BRF1: variants seen among roughly 807,000 people sequenced by gnomAD.
The protein encoded by BRF1 is BRF1 general transcription factor IIIB subunit.
BRF1 carries 59 observed loss-of-function variants against 81.7 expected under a neutral mutation model. That is an observed-to-expected ratio of 0.72 (90% CI 0.59 to 0.90). BRF1 has a LOEUF of 0.90. Ranked by LOEUF, BRF1 falls within the 40% of genes least tolerant of loss-of-function variation. The pLI is 0.00. For missense variants in BRF1, 1,050 were observed against 936.3 expected (o/e 1.12, Z -1.58); for synonymous variants, 491 against 395.6 (o/e 1.24, Z -2.86).
At chr14:105,299,394 C>A (rs146447556) in intron 1 of BRF1, among the ~76,000 whole-genome samples, 1,959 of 151,970 alleles carry the variant, frequency 0.013, 21 homozygotes, top group Non-Finnish European at 0.019. Flanking sequence ...AACATAGAGA[C>A]CTTGTCTCTA....
At chr14:105,252,684 G>A (rs2055677329) in intron 4 of BRF1, 105 bp from the exon 5 acceptor site, 1 of 1,231,454 alleles carries the variant, frequency 8.1e-7, no homozygotes, top group Non-Finnish European at 1.1e-6. Flanking sequence ...AGACTCCGAT[G>A]GCCCGTGGAG....
intron 1 of BRF1, among the ~76,000 whole-genome samples, chr14:105,294,211 C>T (rs985313204): frequency 6.6e-6 from 1 of 152,232 alleles, no homozygotes; most frequent in African/African-American, 2.4e-5. Flanking sequence ...GCTAAGAACC[C>T]GCCGCCTCGC....
At chr14:105,224,026 T>C (rs1045611750) in intron 10 of BRF1, among the ~76,000 whole-genome samples, 1 of 152,208 alleles carries the variant, frequency 6.6e-6, no homozygotes, top group Non-Finnish European at 1.5e-5. Context: ...CCAATGAGAA[T>C]TCCCAACAGA....
chr14:105,246,355 T>C (rs918279944), intron 5 of BRF1, among the ~76,000 whole-genome samples: 1 of 152,150 alleles, frequency 6.6e-6, no homozygotes, highest in East Asian at 2.0e-4. Flanking sequence ...CACTACCTCA[T>C]GTCCATTAGG....
chr14:105,229,352 A>C (rs185501069), intron 6 of BRF1, among the ~76,000 whole-genome samples: 1 of 152,208 alleles, frequency 6.6e-6, no homozygotes, highest in Non-Finnish European at 1.5e-5. Flanking sequence ...CAGTGCAAAC[A>C]TGGAGATCAT....
chr14:105,286,597 C>T (rs2057324097), intron 1 of BRF1, among the ~76,000 whole-genome samples: 1 of 152,130 alleles, frequency 6.6e-6, no homozygotes, highest in African/African-American at 2.4e-5. Flanking sequence ...GGGCCAACTG[C>T]ACTTTCCGCA....
intron 1 of BRF1, among the ~76,000 whole-genome samples, chr14:105,312,024 C>T (rs887257103): frequency 6.6e-6 from 1 of 152,238 alleles, no homozygotes; most frequent in Non-Finnish European, 1.5e-5. Flanking sequence ...GGGCTGGAGC[C>T]GCCAACTGAC....
upstream of BRF1, among the ~76,000 whole-genome samples, chr14:105,305,697 T>C (rs1025821826): frequency 3.9e-5 from 6 of 152,220 alleles, no homozygotes; most frequent in African/African-American, 1.4e-4. Flanking sequence ...AGAACTGCCC[T>C]GGGGACCGGT....
intron 3 of BRF1, among the ~76,000 whole-genome samples, chr14:105,262,322 T>C (rs1016927883): frequency 5.9e-5 from 9 of 152,252 alleles, no homozygotes; most frequent in African/African-American, 2.2e-4. Flanking sequence ...CCTGGAGGTG[T>C]GGCACAGAGC....
chr14:105,265,446 A>C (rs2056367045), intron 3 of BRF1, among the ~76,000 whole-genome samples: 1 of 152,170 alleles, frequency 6.6e-6, no homozygotes, highest in Non-Finnish European at 1.5e-5. Flanking sequence ...CAAACACAAA[A>C]ATATTTCTTA....
chr14:105,241,357 T>G lies in BRF1; in HGVS notation c.602A>C (p.His201Pro). 3.7e-6 allele frequency: 6 copies of G among 1,612,784 alleles called. No homozygotes were observed. Among genetic ancestry groups the G allele is most frequent in the Non-Finnish European group, 4.2e-6 (5 of 1,179,924 alleles). ...CCTCAGGGCAGTCATGGACACCTCG[T>G]GGTTCTTCTCCCCGAATTCCAGCAG... ...AHLLEFGEKN[H>P]EVSMTALRLL... is the part of the protein sequence containing the mutation. The change falls in exon 6 of 18, where the codon CAC becomes CCC. Residue 201 changes from histidine (H) to proline (P), a missense_variant. By Grantham distance (77) the His-to-Pro change is moderately conservative (BLOSUM62 -2). Transcript: ENST00000547530.
At chr14:105,227,180 A>AG (rs1182078134) in intron 7 of BRF1, 1 of 201,108 alleles carries the variant, frequency 5.0e-6, no homozygotes, top group Non-Finnish European at 9.9e-6. Context: ...AGCATGTGGG[A>AG]GGCCGAAGTG....
intron 6 of BRF1, among the ~76,000 whole-genome samples, chr14:105,229,210 T>G (rs967582832): frequency 3.3e-5 from 5 of 152,208 alleles, no homozygotes; most frequent in Admixed American, 2.0e-4. Context: ...CTAAGATGAC[T>G]GTGCGGGAAA....
intron 1 of BRF1, among the ~76,000 whole-genome samples, chr14:105,295,833 C>T (rs2057715352): frequency 6.7e-6 from 1 of 150,176 alleles, no homozygotes; most frequent in African/African-American, 2.5e-5. Context: ...AATCCCAGAA[C>T]TTTCAGGGGC....
chr14:105,214,357 A>T (rs587719745), intron 15 of BRF1, among the ~76,000 whole-genome samples: 1 of 152,058 alleles, frequency 6.6e-6, no homozygotes, highest in African/African-American at 2.4e-5. Context: ...AGCCCGAGTG[A>T]CCACAGAGTG....
intron 1 of BRF1, chr14:105,314,595 C>T (rs996879305): frequency 9.7e-5 from 14 of 144,668 alleles, no homozygotes; most frequent in African/African-American, 3.5e-4. Flanking sequence ...GCGCGCGCTG[C>T]GCCGGCGGCG....
At chr14:105,267,277 A>G (rs887562762) in intron 3 of BRF1, among the ~76,000 whole-genome samples, 5 of 152,206 alleles carry the variant, frequency 3.3e-5, no homozygotes, top group Admixed American at 3.3e-4. Context: ...CGGTGTTTCC[A>G]GGTCAGCCTT....
In BRF1 at chr14:105,228,926, G is replaced by A. The variant is rs200450635; in HGVS notation, c.695-13C>T. The A allele has an allele frequency of 4.5e-5, 72 of 1,612,766 alleles. No individual in the cohort carries two copies. Among genetic ancestry groups the A allele is most frequent in the South Asian group, 4.3e-4 (39 of 91,078 alleles). ...GCAACCAGGAGCGCTGGAAGGCAAC[G>A]AGACGGGCCTCGTCAACCACGGCTG... On this transcript the variant is annotated splice_polypyrimidine_tract_variant and intron_variant, in intron 6 of 17. Transcript: ENST00000547530.
intron 3 of BRF1, among the ~76,000 whole-genome samples, chr14:105,263,804 A>C (rs1489400656): frequency 6.6e-6 from 1 of 151,986 alleles, no homozygotes; most frequent in Non-Finnish European, 1.5e-5. Context: ...GGGCACCTAT[A>C]GTCCCAGCTA....
Sources: allele counts gnomAD v4.1 joint callset (sites outside exome capture counted in the v4.1 genomes callset), GRCh38; gene constraint gnomAD v4.1.1; transcripts MANE v1.5; gene names NCBI Gene and HGNC (gene_info 2026-07-23, HGNC 2026-07-21).